Variants in MSN observed in about 807,000 individuals in gnomAD.
MSN encodes the protein epididymis luminal protein 70.
In MSN, 2 loss-of-function variants were observed where a neutral mutation model predicts 48.0. That is an observed-to-expected ratio of 0.04 (90% CI 0.02 to 0.13). MSN has a LOEUF of 0.13. MSN is among the 10% of genes least tolerant of loss of function. The probability of loss-of-function intolerance (pLI) is 1.00; values close to 1 mark genes in which losing one functional copy is unlikely to be tolerated. For missense variants in MSN, 267 were observed against 470.1 expected (o/e 0.57, Z 3.99); for synonymous variants, 146 against 166.9 (o/e 0.87, Z 0.97).
chrX:65,630,287 C>T (rs1427848932), intron 1 of MSN, among the ~76,000 whole-genome samples: 3 of 111,485 alleles, frequency 2.7e-5, no homozygotes, highest in South Asian at 3.8e-4. Context: ...AAAAGAAACC[C>T]TAAAGGCTGG....
rs183153663 is a variant in MSN, at chrX:65,651,018, C to G, written c.-22+62406C>G. Among the ~76,000 whole-genome samples the G allele has an allele frequency of 2.3e-3, 258 of 111,729 alleles. 3 individuals are homozygous for G. Among genetic ancestry groups the G allele is most frequent in the African/African-American group, 8.2e-3 (254 of 30,813 alleles). On this transcript the variant is annotated intron_variant, in intron 1 of 3. Transcript: ENST00000609672. The stretch of plus-strand genomic sequence containing the variant: ...CCGTTGTGATTACACTGTGCCCACG[C>G]GGGTAATCTAGGATAATCTTCCCAT...
chrX:65,650,042 C>T (rs1226725795), intron 1 of MSN, among the ~76,000 whole-genome samples: 1 of 101,393 alleles, frequency 9.9e-6, no homozygotes, highest in African/African-American at 3.8e-5. Flanking sequence ...CCACAGGCCT[C>T]CTTTTTTCTC....
rs2070887480 is a variant in MSN at position 65,667,696 on chromosome X, C to T, written c.-146C>T. 1 of 1,103,734 alleles carries T rather than the reference C, an allele frequency of 9.1e-7. No individual in the cohort carries two copies. Among genetic ancestry groups the T allele is most frequent in the African/African-American group, 1.8e-5 (1 of 54,862 alleles). The allele number at this position is 1,103,734 out of a possible 1,213,427, so 91.0% of individuals were successfully genotyped here. A position where few individuals can be genotyped will look rare whatever the true frequency, so the allele number is the denominator to read the frequency against. ...GGTTTGTGAAGTCGTGGCCCGTTAG[C>T]AGGAAGCCTAACAGTCGCCCCGACG... is the stretch of plus-strand genomic sequence containing the variant. On this transcript the variant is annotated 5_prime_UTR_variant, in exon 1 of 13. Transcript: ENST00000360270.
intron 1 of MSN, among the ~76,000 whole-genome samples, chrX:65,645,769 G>A (rs1316794714): frequency 9.0e-6 from 1 of 111,157 alleles, no homozygotes; most frequent in Non-Finnish European, 1.9e-5. Flanking sequence ...GATGGTTCAT[G>A]GGTACCTCAA....
chrX:65,733,892 G>T (rs138569434), intron 7 of MSN, among the ~76,000 whole-genome samples: 2 of 111,483 alleles, frequency 1.8e-5, no homozygotes, highest in African/African-American at 6.5e-5. Context: ...GACCTCAGGT[G>T]ATTTGCCTGC....
Position 65,598,371 on chromosome X carries a change from A to G in MSN, c.-22+9759A>G, listed in dbSNP as rs2070203749. On this transcript the variant is annotated intron_variant, in intron 1 of 3. Transcript: ENST00000609672. ...AAAGAAACACAGAGAGAGAAACAGA[A>G]GAGAGAAAGAAACAGAGAAGGGAAG... is the stretch of plus-strand genomic sequence containing the variant. Among the ~76,000 whole-genome samples, 5 of 110,117 alleles carry G rather than the reference A, an allele frequency of 4.5e-5. No individual in the cohort carries two copies. In the South Asian group the frequency reaches 2.0e-3, roughly 43 times the overall value.
chrX:65,700,602 GGGTGCT>G (rs1258668675), intron 1 of MSN, among the ~76,000 whole-genome samples: 1 of 111,741 alleles, frequency 8.9e-6, no homozygotes, highest in Non-Finnish European at 1.9e-5. Context: ...TGCTACCCTG[GGGTGCT>G]GGTAAGGAGA....
At chrX:65,648,665 G>A (rs1602749983) in intron 1 of MSN, among the ~76,000 whole-genome samples, 1 of 111,246 alleles carries the variant, frequency 9.0e-6, no homozygotes, top group African/African-American at 3.3e-5. Context: ...GAGGTCAGAA[G>A]ATCAAGACCA....
chrX:65,703,863 C>T (rs899745578), intron 1 of MSN, among the ~76,000 whole-genome samples: 3 of 112,225 alleles, frequency 2.7e-5, no homozygotes, highest in East Asian at 2.8e-4. Flanking sequence ...TGAGCCACCA[C>T]GCTCAGCTGG....
At chrX:65,614,253 A>T (rs1032341932) in intron 1 of MSN, among the ~76,000 whole-genome samples, 2 of 111,772 alleles carry the variant, frequency 1.8e-5, no homozygotes, top group Non-Finnish European at 3.8e-5. Flanking sequence ...TACCAGTACC[A>T]TGTTGTTTTG....
At chrX:65,714,299 A>G (rs1448374573) in intron 1 of MSN, among the ~76,000 whole-genome samples, 2 of 111,531 alleles carry the variant, frequency 1.8e-5, no homozygotes, top group African/African-American at 6.5e-5. Flanking sequence ...TATTTTTATG[A>G]TAGAATGATT....
chrX:65,716,410 G>A (rs1463159812), intron 1 of MSN: 2 of 203,709 alleles, frequency 9.8e-6, no homozygotes, highest in Non-Finnish European at 1.9e-5. Context: ...CAAGTAGCTT[G>A]AACTACAGGT....
intron 10 of MSN, 140 bp downstream of exon 10, chrX:65,737,478 C>CA: frequency 1.4e-6 from 1 of 727,482 alleles, no homozygotes; most frequent in African/African-American, 2.1e-5. Context: ...ATAACTAGTT[C>CA]AGAAGCAAGC....
At chrX:65,589,265 C>T (rs2070124704) in intron 1 of MSN, among the ~76,000 whole-genome samples, 1 of 99,194 alleles carries the variant, frequency 1.0e-5, no homozygotes, top group Non-Finnish European at 2.0e-5. Flanking sequence ...ACACCCCATT[C>T]CTATCTTGGC....
intron 1 of MSN, among the ~76,000 whole-genome samples, chrX:65,660,251 C>T (rs1438232834): frequency 2.7e-5 from 3 of 111,789 alleles, no homozygotes; most frequent in Non-Finnish European, 5.6e-5. Flanking sequence ...CTCTAGCCCT[C>T]AAAATTTATT....
chrX:65,594,314 C>A (rs2070170598), intron 1 of MSN, among the ~76,000 whole-genome samples: 2 of 110,814 alleles, frequency 1.8e-5, no homozygotes, highest in South Asian at 7.7e-4. Flanking sequence ...CAATCTTTGT[C>A]AACTCATTAG....
At position 65,651,561 on chromosome X, in the gene MSN, T is replaced by TTTATTATTA. The variant is rs35256397; in HGVS notation, c.-22+62982_-22+62990dup. On this transcript the variant is annotated intron_variant, in intron 1 of 3. Coordinates refer to the MSN transcript ENST00000609672. ...AAAATGGGCAAGGAAAGAAGTAATA[T>TTTATTATTA]TTATTATTATTATTATTATTATTAT... 7.6e-3 allele frequency among the ~76,000 whole-genome samples: 720 copies of TTTATTATTA among 94,485 alleles called. 10 individuals carry two copies. The highest frequency in any genetic ancestry group is 0.037 in the Middle Eastern group (7 of 191). 82.0% of individuals were successfully genotyped at this position (94,485 alleles called of 115,157 possible).
chrX:65,591,854 C>A (rs764950501), intron 1 of MSN, among the ~76,000 whole-genome samples: 1 of 111,269 alleles, frequency 9.0e-6, no homozygotes, highest in Non-Finnish European at 1.9e-5. Context: ...CCTGCCCCTG[C>A]CATCTAGACT....
intron 1 of MSN, among the ~76,000 whole-genome samples, chrX:65,676,737 C>T (rs776297006): frequency 8.9e-6 from 1 of 111,743 alleles, no homozygotes; most frequent in Non-Finnish European, 1.9e-5. Context: ...TCTTATTTTT[C>T]TCAAGTTGTG....
Sources: gnomAD v4.1 joint callset for allele counts (sites outside exome capture counted in the v4.1 genomes callset) on GRCh38, gnomAD v4.1.1 for gene constraint, MANE v1.5 for transcripts, NCBI Gene and HGNC (gene_info 2026-07-23, HGNC 2026-07-21) for gene names.